GNL3: variants seen among roughly 807,000 people sequenced by gnomAD.
GNL3 encodes the protein guanine nucleotide-binding protein-like 3.
GNL3 carries 77 observed loss-of-function variants against 70.6 expected under a neutral mutation model. The observed-to-expected ratio is 1.09, with a 90% CI of 0.91 to 1.32. GNL3 has a LOEUF of 1.32. Ranked by LOEUF, GNL3 falls within the 40% of genes most tolerant of loss-of-function variation. GNL3 has a pLI of 0.00. For missense variants in GNL3, 634 were observed against 644.0 expected, an observed-to-expected ratio of 0.98 and a Z score of 0.17; for synonymous variants, 252 against 216.1, an observed-to-expected ratio of 1.17 and a Z score of -1.46.
In GNL3 at chr3:52,693,729, A is replaced by C; in HGVS notation, c.1422A>C (p.Pro474=). 1 of 1,613,936 alleles carries C rather than the reference A, an allele frequency of 6.2e-7. No individual in the cohort carries two copies. Among genetic ancestry groups the C allele is most frequent in the Non-Finnish European group, 8.5e-7 (1 of 1,179,976 alleles). Residue 474 remains proline (P), a synonymous_variant, in exon 13 of 15, where the codon CCA becomes CCC. Transcript: ENST00000418458. Reference sequence around the variant, plus strand: ...AAAAGGACATACATGAAGAATTGCCAAAACGGAAAGAAAGGAAGCAGGAGG... The same window carrying C: ...AAAAGGACATACATGAAGAATTGCCCAAACGGAAAGAAAGGAAGCAGGAGG... ...IEEKDIHEEL[P]KRKERKQEER... is the part of the protein sequence containing the mutation.
intron 1 of GNL3, 149 bp downstream of exon 1, chr3:52,686,254 C>A: frequency 1.3e-6 from 1 of 797,754 alleles, no homozygotes; most frequent in Non-Finnish European, 2.0e-6. Context: ...CCTGGTAGAA[C>A]CGAGAGTTGG....
At chr3:52,686,220 T>G in intron 1 of GNL3, 115 bp downstream of exon 1, 1 of 1,085,284 alleles carries the variant, frequency 9.2e-7, no homozygotes, top group Non-Finnish European at 1.4e-6. Context: ...GGTGGGAGCC[T>G]ACGCGTAGGC....
intron 6 of GNL3, among the ~76,000 whole-genome samples, chr3:52,690,016 T>C: frequency 6.6e-6 from 1 of 152,040 alleles, no homozygotes; most frequent in East Asian, 1.9e-4. Context: ...GTTAGTAGGG[T>C]TGTAATCCAG....
intron 9 of GNL3, among the ~76,000 whole-genome samples, chr3:52,692,292 C>T (rs1403017576): frequency 6.6e-6 from 1 of 151,734 alleles, no homozygotes; most frequent in Non-Finnish European, 1.5e-5. Flanking sequence ...AAGTCATCCA[C>T]CCGCCTAGGC....
At position 52,686,806 on chromosome 3, in the gene GNL3, G is replaced by T; in HGVS notation, c.51G>T (p.Lys17Asn). 6.2e-7 allele frequency: 1 copy of T among 1,612,740 alleles called. No individual in the cohort carries two copies. The highest frequency in any genetic ancestry group is 8.5e-7 in the Non-Finnish European group (1 of 1,178,714). Residue 17 changes from lysine to asparagine, a missense_variant, in exon 2 of 15, where the codon AAG (lysine) becomes AAT (asparagine). Lys to Asn is a moderately conservative substitution (Grantham distance 94, BLOSUM62 0). Transcript: ENST00000418458. ...CAAGTAAACGCATGACCTGCCATAAGCGGTATAAAATCCAAAAAAAGGTAA... is the reference window on the plus strand; with the variant it reads ...CAAGTAAACGCATGACCTGCCATAATCGGTATAAAATCCAAAAAAAGGTAA... Reference protein sequence around the residue: ...KKASKRMTCHKRYKIQKKVRE... With the variant: ...KKASKRMTCHNRYKIQKKVRE...
chr3:52,690,968 T>C lies in GNL3; in HGVS notation c.678T>C (p.Ala226=), dbSNP rs972817901. ...AGCGTGTGAAGGCAAAGAAGAATGCTGCTCCATTCAGAAGTGAAGTCTGCT... is the reference window on the plus strand; with the variant it reads ...AGCGTGTGAAGGCAAAGAAGAATGCCGCTCCATTCAGAAGTGAAGTCTGCT... ...ITKRVKAKKN[A]APFRSEVCFG... The change falls in exon 8 of 15, where the codon GCT becomes GCC. Residue 226 remains alanine, a synonymous_variant. Transcript: ENST00000418458. 8.1e-6 allele frequency: 13 copies of C among 1,613,736 alleles called. No individual in the cohort carries two copies. Among genetic ancestry groups the C allele is most frequent in the Non-Finnish European group, 1.1e-5 (13 of 1,179,690 alleles).
intron 6 of GNL3, among the ~76,000 whole-genome samples, chr3:52,690,344 G>A (rs1000590781): frequency 4.6e-5 from 7 of 152,070 alleles, no homozygotes; most frequent in Admixed American, 2.0e-4. Context: ...CTCACTGCAA[G>A]CTCCACCTCC....
chr3:52,689,204 C>A lies in GNL3; in HGVS notation c.539C>A (p.Ser180Ter). 1 of 1,612,938 alleles carries A rather than the reference C, an allele frequency of 6.2e-7. No individual in the cohort carries two copies. ...AAGCTGGTACTTATATTAAATAAAT[C>A]AGGTGAGTAAAGAGGGTACCCTTTG... ...QKKLVLILNK[S>*]DLVPKENLES... is the part of the protein sequence containing the mutation. Residue 180 changes from serine (S) to a stop codon, truncating the protein, a stop_gained and splice_region_variant, in exon 6 of 15, where the codon TCA (serine) becomes TAA (stop). Transcript: ENST00000418458. LOFTEE classifies it high-confidence loss of function.
chr3:52,687,320 A>C lies in GNL3; in HGVS notation c.147A>C (p.Gly49=). The change falls in exon 3 of 15, where the codon GGA becomes GGC. Residue 49 remains glycine (G), a synonymous_variant. Transcript: ENST00000418458. ...ACAAGAAGCCTAGGAAAGACCCAGGAGTTCCAAACAGTGCTCCCTTTAAGG... is the reference window on the plus strand; with the variant it reads ...ACAAGAAGCCTAGGAAAGACCCAGGCGTTCCAAACAGTGCTCCCTTTAAGG... The part of the protein sequence containing the change: ...RGHKKPRKDP[G]VPNSAPFKEA... 1 of 1,613,296 alleles carries C rather than the reference A, an allele frequency of 6.2e-7. No individual in the cohort carries two copies. Among genetic ancestry groups the C allele is most frequent in the Non-Finnish European group, 8.5e-7 (1 of 1,179,188 alleles).
intron 5 of GNL3, 73 bp from the exon 6 acceptor site, chr3:52,689,001 T>C (rs933501350): frequency 1.3e-5 from 16 of 1,248,794 alleles, no homozygotes; most frequent in Non-Finnish European, 1.8e-5. Context: ...TGGAAGGTAT[T>C]ACCAGAACAA....
chr3:52,693,973 A>C, intron 13 of GNL3, 64 bp from the exon 14 acceptor site: 8 of 1,435,786 alleles, frequency 5.6e-6, no homozygotes, highest in Non-Finnish European at 7.8e-6. Context: ...CAGGTACATA[A>C]CTACTTGGAT....
At chr3:52,689,042 T>C (rs766271442) in intron 5 of GNL3, 32 bp from the exon 6 acceptor site, 96 of 1,592,150 alleles carry the variant, frequency 6.0e-5, no homozygotes, top group Non-Finnish European at 8.0e-5. Context: ...TTCTCCTTGA[T>C]AATGTAGTTC....
At chr3:52,690,262 T>A (rs1036869574) in intron 6 of GNL3, among the ~76,000 whole-genome samples, 2 of 152,072 alleles carry the variant, frequency 1.3e-5, no homozygotes, top group African/African-American at 2.4e-5. Flanking sequence ...AGCAAATGTC[T>A]TTTTCTTTTT....
intron 8 of GNL3, 187 bp downstream of exon 8, chr3:52,691,258 TACAC>T: frequency 1.6e-6 from 1 of 622,084 alleles, no homozygotes; most frequent in Non-Finnish European, 2.8e-6. Context: ...GAAAAAAACT[TACAC>T]AACTGCTGCC....
At chr3:52,686,010 C>T (rs2097307682), upstream of GNL3, 8 of 793,418 alleles carry the variant, frequency 1.0e-5, no homozygotes, top group Non-Finnish European at 1.8e-5. Context: ...AGCGTAAGTG[C>T]GTGACGCTCG....
chr3:52,692,869 C>G lies in GNL3; in HGVS notation c.870-3C>G. The G allele has an allele frequency of 1.2e-6, 2 of 1,609,446 alleles. No homozygotes were observed. The highest frequency in any genetic ancestry group is 1.7e-6 in the Non-Finnish European group (2 of 1,176,896). On this transcript the variant is annotated splice_region_variant and splice_polypyrimidine_tract_variant and intron_variant, in intron 9 of 14. Transcript: ENST00000418458. ...CCCATCAATTCCATCGCTCTTCTTT[C>G]AGGAGCATGCAAGTTGTCCCCTTGG... is the stretch of plus-strand genomic sequence containing the variant.
intron 9 of GNL3, 87 bp from the exon 10 acceptor site, chr3:52,692,784 CT>C (rs772749811): frequency 1.0e-6 from 1 of 967,638 alleles, no homozygotes; most frequent in South Asian, 1.3e-5. Flanking sequence ...TGTGCTGAGT[CT>C]GTTCAATCCA....
In GNL3 at chr3:52,693,189, A is replaced by G; in HGVS notation, c.1047A>G (p.Val349=). The G allele has an allele frequency of 1.2e-6, 2 of 1,600,256 alleles. No homozygotes were observed. Among genetic ancestry groups the G allele is most frequent in the Non-Finnish European group, 1.7e-6 (2 of 1,176,016 alleles). Reference sequence around the variant, plus strand: ...CTTTGTTTGGTTTTTTTTTTAAGGTAGTACTGAAATATACTGTCCCAGGCT... The same window carrying G: ...CTTTGTTTGGTTTTTTTTTTAAGGTGGTACTGAAATATACTGTCCCAGGCT... ...AILSQADARQ[V]VLKYTVPGYR... The change falls in exon 11 of 15, where the codon GTA becomes GTG. Residue 349 remains valine (V), a splice_region_variant and synonymous_variant. Coordinates refer to ENST00000418458, the MANE Select transcript of GNL3 (RefSeq NM_014366.5).
intron 6 of GNL3, 125 bp downstream of exon 6, chr3:52,689,331 T>C (rs1457793582): frequency 2.2e-6 from 2 of 923,902 alleles, no homozygotes; most frequent in Admixed American, 3.4e-5. Flanking sequence ...ACGTGCACTT[T>C]GCCAGAGACA....
Sources: gnomAD v4.1 joint callset for allele counts (sites outside exome capture counted in the v4.1 genomes callset) on GRCh38, gnomAD v4.1.1 for gene constraint, MANE v1.5 for transcripts, NCBI Gene and HGNC (gene_info 2026-07-23, HGNC 2026-07-21) for gene names.